FSD1: variants seen among roughly 807,000 people sequenced by gnomAD.
FSD1 encodes fibronectin type III and SPRY domain-containing protein 1.
A neutral mutation model predicts 58.2 loss-of-function variants in FSD1; 23 were observed. The observed-to-expected ratio is 0.40, with a 90% CI of 0.28 to 0.56. FSD1 has a LOEUF of 0.56. Among genes scored for constraint, FSD1 ranks in the 20% least tolerant of loss-of-function variants. FSD1 has a pLI of 0.54. For synonymous variants in FSD1, 265 were observed against 263.4 expected (o/e 1.01, Z -0.06); for missense variants, 563 against 670.8 (o/e 0.84, Z 1.78).
intron 7 of FSD1, among the ~76,000 whole-genome samples, chr19:4,312,628 A>C (rs1254904638): frequency 6.6e-6 from 1 of 151,454 alleles, no homozygotes; most frequent in Non-Finnish European, 1.5e-5. Context: ...ACGGTGAAAT[A>C]CTGTATCTAC....
intron 8 of FSD1, among the ~76,000 whole-genome samples, 193 bp downstream of exon 8, chr19:4,317,473 C>T (rs923073023): frequency 1.5e-4 from 23 of 152,180 alleles, no homozygotes; most frequent in Non-Finnish European, 1.5e-5. Context: ...GAGGTTTACC[C>T]AGTATATCTC....
chr19:4,318,528 T>G lies in FSD1; in HGVS notation c.959+23T>G, dbSNP rs141859711. 7.1e-4 allele frequency: 1,098 copies of G among 1,555,540 alleles called. 15 individuals are homozygous for G. In the East Asian group the frequency reaches 0.024, roughly 33 times the overall value. The stretch of plus-strand genomic sequence containing the variant: ...CAGGTAGCCTGCCCCCTCCCCTCCC[T>G]AAGTCTCTGGTGGAGGAGATCAGTC... On this transcript the variant is annotated intron_variant, in intron 9 of 12. Transcript: ENST00000221856.
In FSD1 at chr19:4,311,176, A is replaced by G. The variant is rs935743696; in HGVS notation, c.490+580A>G. The G allele has an allele frequency of 2.6e-5, 4 of 153,722 alleles. 1 individual carries two copies. The highest frequency in any genetic ancestry group is 1.9e-4 in the Admixed American group (3 of 15,906). The allele number at this position is 153,722 out of a possible 1,614,324, so 9.5% of individuals were successfully genotyped here. A position where few individuals can be genotyped will look rare whatever the true frequency, so the allele number is the denominator to read the frequency against. On this transcript the variant is annotated intron_variant, in intron 6 of 12. Coordinates refer to ENST00000221856, the MANE Select transcript of FSD1 (RefSeq NM_024333.3). ...GAGCCACGAGAAGGGCCTGCCCACCACATGGTAGCTCCTGGGAAAACCCTG... is the reference window on the plus strand; with the variant it reads ...GAGCCACGAGAAGGGCCTGCCCACCGCATGGTAGCTCCTGGGAAAACCCTG...
At chr19:4,320,598 TAATA>T (rs759696500) in intron 10 of FSD1, among the ~76,000 whole-genome samples, 28 of 151,954 alleles carry the variant, frequency 1.8e-4, no homozygotes, top group African/African-American at 4.6e-4. Flanking sequence ...TATCTGGGCT[TAATA>T]AATTTCTGGA....
At chr19:4,309,509 C>G (rs1470822536) in intron 4 of FSD1, among the ~76,000 whole-genome samples, 7 of 152,302 alleles carry the variant, frequency 4.6e-5, no homozygotes, top group Middle Eastern at 6.8e-3. Context: ...TCTTGGCCAT[C>G]CTCTGTCTTC....
At position 4,323,096 on chromosome 19, in the gene FSD1, C is replaced by G; in HGVS notation, c.1150C>G (p.Leu384Val). The change falls in exon 11 of 13, where the codon CTG (leucine) becomes GTG (valine). Residue 384 changes from leucine to valine, a missense_variant. Leu to Val is a conservative substitution (Grantham distance 32, BLOSUM62 1). Coordinates refer to ENST00000221856, the MANE Select transcript of FSD1 (RefSeq NM_024333.3). The surrounding 1 kb of genome is among the most constrained non-coding windows in gnomAD (Gnocchi z 7.7). The part of the protein sequence containing the change: ...AYRSLGRFEQ[L>V]GKTAASWCLH... ...CCGCAGCCTGGGCCGCTTCGAGCAA[C>G]TGGGCAAGACGGCCGCCTCCTGGTG... The G allele has an allele frequency of 6.2e-7, 1 of 1,609,426 alleles. No individual in the cohort carries two copies. Among genetic ancestry groups the G allele is most frequent in the Non-Finnish European group, 8.5e-7 (1 of 1,179,762 alleles).
Position 4,307,936 on chromosome 19 carries a change from A to G in FSD1, c.298A>G (p.Thr100Ala), listed in dbSNP as rs1398306216. The change falls in exon 4 of 13, where the codon ACA (threonine) becomes GCA (alanine). Residue 100 changes from threonine to alanine, a missense_variant. Transcript: ENST00000221856. ...ALESSEELLETANQTLQAMDS... is the reference protein window; with the variant it reads ...ALESSEELLEAANQTLQAMDS... ...GGAGAGCTCCGAGGAGCTTCTGGAG[A>G]CAGCCAACCAGACTCTGCAGGCCAT... 6.2e-7 allele frequency: 1 copy of G among 1,613,904 alleles called. No homozygotes were observed.
chr19:4,304,777 GCAGGGCGGGCCCGCAGGGGCGTC>G lies in FSD1; in HGVS notation c.15+17_15+39del. On this transcript the variant is annotated intron_variant, in intron 1 of 12. Transcript: ENST00000221856. ...AGAACAGAGGGTAGGACGGGGTGGG[GCAGGGCGGGCCCGCAGGGGCGTC>G]GGGGGCGGGGAAGGGGACCAGGTGT... 1 of 614,416 alleles carries G rather than the reference GCAGGGCGGGCCCGCAGGGGCGTC, an allele frequency of 1.6e-6. No homozygotes were observed. The highest frequency in any genetic ancestry group is 2.1e-5 in the African/African-American group (1 of 47,068). The allele number at this position is 614,416 out of a possible 1,614,324, so 38.1% of individuals were successfully genotyped here.
At position 4,304,868 on chromosome 19, in the gene FSD1, C is replaced by T. The variant is rs557101413; in HGVS notation, c.15+107C>T. ...TCCCTCCCCGCCTCCACCCCAGCTG[C>T]TCTGCGGCTGAGGCCCCACCCCATT... On this transcript the variant is annotated intron_variant, in intron 1 of 12. Transcript: ENST00000221856. The T allele has an allele frequency of 3.4e-5, 18 of 531,552 alleles. No individual in the cohort carries two copies. In the South Asian group the frequency reaches 1.5e-3, roughly 45 times the overall value. The allele number at this position is 531,552 out of a possible 1,614,324, so 32.9% of individuals were successfully genotyped here. A position where few individuals can be genotyped will look rare whatever the true frequency, so the allele number is the denominator to read the frequency against.
intron 3 of FSD1, among the ~76,000 whole-genome samples, 174 bp from the exon 4 acceptor site, chr19:4,307,708 T>C (rs1193771662): frequency 1.3e-5 from 2 of 152,302 alleles, no homozygotes; most frequent in African/African-American, 4.8e-5. Context: ...GGGATTCTGT[T>C]CTGCTCCCCG....
At chr19:4,319,036 C>A in intron 10 of FSD1, 85 bp downstream of exon 10, 1 of 1,076,378 alleles carries the variant, frequency 9.3e-7, no homozygotes, top group Non-Finnish European at 1.4e-6. Context: ...TTGCCTTTGG[C>A]TGCGGAAACA....
At chr19:4,310,187 T>G in intron 4 of FSD1, 86 bp from the exon 5 acceptor site, 1 of 1,490,472 alleles carries the variant, frequency 6.7e-7, no homozygotes. Flanking sequence ...ATCTCTCCAC[T>G]GCAATCCAGC....
At chr19:4,305,897 C>A in intron 1 of FSD1, 49 bp from the exon 2 acceptor site, 2 of 1,366,864 alleles carry the variant, frequency 1.5e-6, no homozygotes, top group Non-Finnish European at 2.1e-6. Flanking sequence ...TACCTGTGTG[C>A]GCACATGTGT....
chr19:4,323,003 G>A lies in FSD1; in HGVS notation c.1057G>A (p.Gly353Ser), dbSNP rs182090774. The A allele has an allele frequency of 2.7e-5, 44 of 1,611,052 alleles. No homozygotes were observed. In the East Asian group the frequency reaches 7.8e-4, roughly 29 times the overall value. ...CGCCACAGGGGACACGCTGATCGACGGCGGGGAGCATTACTGGGAGGTGCG... is the reference window on the plus strand; with the variant it reads ...CGCCACAGGGGACACGCTGATCGACAGCGGGGAGCATTACTGGGAGGTGCG... Reference protein sequence around the residue: ...YTVLGDTLIDGGEHYWEVRYE... With the variant: ...YTVLGDTLIDSGEHYWEVRYE... Residue 353 changes from glycine (G) to serine (S), a missense_variant, in exon 11 of 13, where the codon GGC becomes AGC. Coordinates refer to ENST00000221856, the MANE Select transcript of FSD1 (RefSeq NM_024333.3). This position sits in a 1 kb window ranked among gnomAD's most constrained non-coding sequence, Gnocchi z 7.7.
At chr19:4,312,145 A>G in intron 7 of FSD1, 94 bp downstream of exon 7, 8 of 1,137,280 alleles carry the variant, frequency 7.0e-6, no homozygotes, top group Non-Finnish European at 1.0e-5. Context: ...CTTGGGGACG[A>G]TCCCCAAAGC....
intron 8 of FSD1, 59 bp from the exon 9 acceptor site, chr19:4,318,287 C>G (rs2049953164): frequency 6.2e-7 from 1 of 1,611,128 alleles, no homozygotes; most frequent in African/African-American, 1.3e-5. Context: ...CTCTCTGTCT[C>G]TCTCTGTGTC....
intron 5 of FSD1, 65 bp from the exon 6 acceptor site, chr19:4,310,410 C>T (rs1049068819): frequency 1.2e-6 from 2 of 1,603,148 alleles, no homozygotes; most frequent in Non-Finnish European, 8.5e-7. Context: ...TGGGGAGGGG[C>T]CCCCTCGCGC....
chr19:4,306,675 C>T (rs1209607372), intron 3 of FSD1, among the ~76,000 whole-genome samples: 2 of 152,016 alleles, frequency 1.3e-5, no homozygotes, highest in East Asian at 3.9e-4. Context: ...ACCGTGTGGG[C>T]CAAGCTGACC....
At chr19:4,320,321 C>T (rs1379055902) in intron 10 of FSD1, among the ~76,000 whole-genome samples, 1 of 151,926 alleles carries the variant, frequency 6.6e-6, no homozygotes, top group African/African-American at 2.4e-5. Flanking sequence ...CTAGACTCTG[C>T]CAGAGCTGAG....
Sources: allele counts gnomAD v4.1 joint callset (sites outside exome capture counted in the v4.1 genomes callset), GRCh38; gene constraint gnomAD v4.1.1; non-coding constraint Gnocchi (gnomAD v3.1); transcripts MANE v1.5; gene names NCBI Gene and HGNC (gene_info 2026-07-23, HGNC 2026-07-21).